Variants in RGS6 observed in about 807,000 individuals in gnomAD.
RGS6 encodes the protein regulator of G-protein signaling 6.
A neutral mutation model predicts 78.5 loss-of-function variants in RGS6; 30 were observed. The ratio of observed to expected loss-of-function variants is 0.38; its 90% confidence interval spans 0.29 to 0.52. RGS6 has a LOEUF of 0.52. Ranked by LOEUF, RGS6 falls within the 20% of genes least tolerant of loss-of-function variation. The probability of loss-of-function intolerance (pLI) is 0.85; values close to 1 mark genes in which losing one functional copy is unlikely to be tolerated. For missense variants in RGS6, 495 were observed against 609.7 expected, an observed-to-expected ratio of 0.81 and a Z score of 1.98; for synonymous variants, 206 against 206.0, an observed-to-expected ratio of 1.00 and a Z score of 0.00.
intron 2 of RGS6, among the ~76,000 whole-genome samples, chr14:72,002,220 T>C (rs1289337380): frequency 6.6e-6 from 1 of 152,096 alleles, no homozygotes; most frequent in Non-Finnish European, 1.5e-5. Flanking sequence ...ACTTTCTGCC[T>C]ATTGAGAGAT....
At chr14:72,092,535 C>T (rs998435310) in intron 2 of RGS6, among the ~76,000 whole-genome samples, 1 of 152,024 alleles carries the variant, frequency 6.6e-6, no homozygotes, top group Non-Finnish European at 1.5e-5. Context: ...GCACCTGCCA[C>T]CACGCCCAGC....
intron 2 of RGS6, among the ~76,000 whole-genome samples, chr14:72,209,494 TTAAG>T (rs1306914218): frequency 6.6e-6 from 1 of 152,218 alleles, no homozygotes; most frequent in Non-Finnish European, 1.5e-5. Context: ...CAAAGTCACC[TTAAG>T]TGAGTGATGT....
chr14:72,613,080 A>C, the RGS6 span, among the ~76,000 whole-genome samples: 647 of 151,906 alleles, frequency 4.3e-3, 7 homozygotes, highest in African/African-American at 0.015. Flanking sequence ...TCCTGTTCTC[A>C]TCATCAATAT....
chr14:72,286,914 G>C (rs1480270746), intron 2 of RGS6, among the ~76,000 whole-genome samples: 2 of 151,990 alleles, frequency 1.3e-5, no homozygotes, highest in African/African-American at 4.8e-5. Flanking sequence ...CTCCCAAGTA[G>C]CTGGGATTAT....
intron 2 of RGS6, among the ~76,000 whole-genome samples, chr14:72,257,958 A>C (rs1450468602): frequency 6.6e-6 from 1 of 152,240 alleles, no homozygotes; most frequent in Non-Finnish European, 1.5e-5. Flanking sequence ...TACTGAATTC[A>C]AACAGCTAAT....
At chr14:72,197,318 G>T (rs1370841622) in intron 2 of RGS6, among the ~76,000 whole-genome samples, 1 of 152,114 alleles carries the variant, frequency 6.6e-6, no homozygotes, top group Non-Finnish European at 1.5e-5. Context: ...TGCCTGCCTT[G>T]GCCTCCCAAA....
intron 3 of RGS6, among the ~76,000 whole-genome samples, chr14:72,435,415 C>T (rs1163369664): frequency 6.6e-6 from 1 of 152,194 alleles, no homozygotes; most frequent in Non-Finnish European, 1.5e-5. Flanking sequence ...GAATTAAACA[C>T]TGTTTTACCA....
At chr14:71,870,894 C>A in the RGS6 span, among the ~76,000 whole-genome samples, 1 of 152,206 alleles carries the variant, frequency 6.6e-6, no homozygotes, top group Non-Finnish European at 1.5e-5. Context: ...CCATCCCAGT[C>A]ATTCTAAAAG....
chr14:71,918,662 A>T, the RGS6 span, among the ~76,000 whole-genome samples: 1 of 152,174 alleles, frequency 6.6e-6, no homozygotes, highest in African/African-American at 2.4e-5. Context: ...TCTCAGCATA[A>T]ATATTTATAT....
chr14:72,164,494 C>A (rs553218812), intron 2 of RGS6, among the ~76,000 whole-genome samples: 1 of 152,302 alleles, frequency 6.6e-6, no homozygotes, highest in Admixed American at 6.5e-5. Flanking sequence ...TGTTGGAGAT[C>A]TTCTCTGTGT....
rs573571947 is a variant in RGS6, at chr14:72,429,459, C to T, written c.185-25069C>T. Among the ~76,000 whole-genome samples, 9 of 152,096 alleles carry T rather than the reference C, an allele frequency of 5.9e-5. 1 individual carries two copies. The South Asian group carries it at 1.9e-3, about 32-fold the overall frequency. On this transcript the variant is annotated intron_variant, in intron 3 of 17. Coordinates refer to ENST00000553525, the MANE Select transcript of RGS6 (RefSeq NM_001204424.2). ...TGGCTTATGAAGGCCAGGATTTTTG[C>T]CACCTGAGGCATTTGGAGAAGCCTA...
chr14:71,886,846 C>T, the RGS6 span, among the ~76,000 whole-genome samples: 8 of 152,118 alleles, frequency 5.3e-5, no homozygotes, highest in African/African-American at 7.2e-5. Flanking sequence ...AACATAGTCT[C>T]GGGGACACCT....
At chr14:72,386,678 C>G (rs553338593) in intron 3 of RGS6, among the ~76,000 whole-genome samples, 2 of 152,288 alleles carry the variant, frequency 1.3e-5, no homozygotes, top group Non-Finnish European at 2.9e-5. Flanking sequence ...AAATCCAGAG[C>G]CCCATGATCC....
At chr14:72,581,821 G>A in the RGS6 span, among the ~76,000 whole-genome samples, 2 of 152,174 alleles carry the variant, frequency 1.3e-5, no homozygotes, top group Non-Finnish European at 2.9e-5. Flanking sequence ...TGGGATAAGG[G>A]TCTGTCTTAG....
chr14:72,202,949 T>G (rs1248262388), intron 2 of RGS6, among the ~76,000 whole-genome samples: 2 of 152,088 alleles, frequency 1.3e-5, no homozygotes, highest in Admixed American at 1.3e-4. Flanking sequence ...CTCTGCTCAC[T>G]GCAAGCTCCG....
At chr14:71,982,812 A>G (rs1033786113) in intron 2 of RGS6, among the ~76,000 whole-genome samples, 3 of 152,172 alleles carry the variant, frequency 2.0e-5, no homozygotes, top group Non-Finnish European at 4.4e-5. Context: ...GCCCTCAAAC[A>G]TGTTTAACAA....
At chr14:72,096,464 T>G (rs938849064) in intron 2 of RGS6, among the ~76,000 whole-genome samples, 3 of 152,144 alleles carry the variant, frequency 2.0e-5, no homozygotes, top group African/African-American at 7.2e-5. Flanking sequence ...GCTACAAATG[T>G]CAATATCATG....
intron 4 of RGS6, among the ~76,000 whole-genome samples, chr14:72,457,897 A>G (rs976418619): frequency 5.3e-5 from 8 of 152,338 alleles, no homozygotes; most frequent in South Asian, 2.1e-4. Context: ...CAGAGCTGCT[A>G]GCACTTACGG....
intron 3 of RGS6, among the ~76,000 whole-genome samples, chr14:72,422,705 G>A (rs2094249230): frequency 6.6e-6 from 1 of 152,162 alleles, no homozygotes; most frequent in African/African-American, 2.4e-5. Context: ...GAGCATCAAA[G>A]GGCCAAGCAC....
Sources: gnomAD v4.1 joint callset for allele counts (sites outside exome capture counted in the v4.1 genomes callset) on GRCh38, gnomAD v4.1.1 for gene constraint, MANE v1.5 for transcripts, NCBI Gene and HGNC (gene_info 2026-07-23, HGNC 2026-07-21) for gene names.